The following SAMD14 variants were observed in gnomAD, a reference collection of about 807,000 sequenced individuals.
SAMD14 encodes the protein sterile alpha motif domain containing 14.
Under a neutral mutation model 46.2 loss-of-function variants are expected in SAMD14, and 27 were observed. The ratio of observed to expected loss-of-function variants is 0.58; its 90% CI spans 0.43 to 0.81. The LOEUF (loss-of-function observed/expected upper bound fraction) is 0.81. Among genes scored for constraint, SAMD14 ranks in the 30% least tolerant of loss-of-function variants. SAMD14 has a pLI of 0.00. For synonymous variants in SAMD14, 241 were observed against 254.3 expected, an observed-to-expected ratio of 0.95 and a Z score of 0.50; for missense variants, 559 against 582.2, an observed-to-expected ratio of 0.96 and a Z score of 0.41.
At chr17:50,120,166 TCTTG>T (rs1439678554) in intron 2 of SAMD14, among the ~76,000 whole-genome samples, 4 of 152,158 alleles carry the variant, frequency 2.6e-5, no homozygotes, top group African/African-American at 9.7e-5. Context: ...GGTAATGAGT[TCTTG>T]AGTGCATGAT....
chr17:50,120,088 TA>T (rs1490548195), intron 2 of SAMD14, among the ~76,000 whole-genome samples: 9 of 152,072 alleles, frequency 5.9e-5, no homozygotes, highest in Admixed American at 2.6e-4. Context: ...TCCAGGGCAA[TA>T]GGGGGAGGGC....
chr17:50,115,930 G>A lies in SAMD14; in HGVS notation c.588-26C>T, dbSNP rs1303458655. The A allele has an allele frequency of 1.9e-6, 3 of 1,612,814 alleles. No homozygotes were observed. Among genetic ancestry groups the A allele is most frequent in the Non-Finnish European group, 2.5e-6 (3 of 1,179,508 alleles). On this transcript the variant is annotated intron_variant, in intron 5 of 9. Transcript: ENST00000330175. The surrounding 1 kb of genome is among the most constrained non-coding windows in gnomAD (Gnocchi z 5.3). ...CTGTGGGGAGGCAGCAGGAAGTGGGGCAGGGCTGCCCACTGTGCTACCCCT... is the reference window on the plus strand; with the variant it reads ...CTGTGGGGAGGCAGCAGGAAGTGGGACAGGGCTGCCCACTGTGCTACCCCT...
In SAMD14 at chr17:50,115,643, G is replaced by C; in HGVS notation, c.743C>G (p.Ser248Ter). Residue 248 changes from serine to a stop codon, truncating the protein, a stop_gained, in exon 7 of 10, where the codon TCA (serine) becomes TGA (stop). Coordinates refer to ENST00000330175, the MANE Select transcript of SAMD14 (RefSeq NM_001257359.2). LOFTEE classifies it high-confidence loss of function. The surrounding 1 kb of genome is among the most constrained non-coding windows in gnomAD (Gnocchi z 5.3). ...FSWFTDSGKGSASSGSTTSPT... is the reference protein window; with the variant it reads ...FSWFTDSGKG ...GGAGGTGGTGCTACCCGAGGATGCT[G>C]AGCCCTTGCCGCTGTCCGTGAACCA... is the stretch of plus-strand genomic sequence containing the variant. 6.2e-7 allele frequency: 1 copy of C among 1,608,098 alleles called. No homozygotes were observed. The highest frequency in any genetic ancestry group is 8.5e-7 in the Non-Finnish European group (1 of 1,176,242).
chr17:50,120,973 C>T (rs544282039), intron 2 of SAMD14, among the ~76,000 whole-genome samples: 2 of 152,350 alleles, frequency 1.3e-5, no homozygotes, highest in African/African-American at 2.4e-5. Context: ...TCTTTCTCCA[C>T]CCATTAGAAT....
chr17:50,120,872 GC>G (rs1039610092), intron 2 of SAMD14, among the ~76,000 whole-genome samples: 1 of 151,846 alleles, frequency 6.6e-6, no homozygotes, highest in East Asian at 1.9e-4. Context: ...ATTTATAATA[GC>G]CCCCCCACTC....
rs764391533 is a variant in SAMD14 at position 50,115,681 on chromosome 17, G to C, written c.705C>G (p.Phe235Leu). ...TGTCCGTGAACCAGGAAAAAGGCAG[G>C]AACGGGGAGCCCCCTGACCTGCCGG... ...EGSGRSGGSP[F>L]LPFSWFTDSG... Residue 235 changes from phenylalanine to leucine, a missense_variant, in exon 7 of 10, where the codon TTC becomes TTG. Transcript: ENST00000330175. This position sits in a 1 kb window ranked among gnomAD's most constrained non-coding sequence, Gnocchi z 5.3. 3 of 1,607,726 alleles carry C rather than the reference G, an allele frequency of 1.9e-6. No individual in the cohort carries two copies. The highest frequency in any genetic ancestry group is 1.7e-5 in the Admixed American group (1 of 59,708).
In SAMD14 at chr17:50,118,176, ATCCGAGCCTTCACCATCC is replaced by A. The variant is rs1455810708; in HGVS notation, c.177_194del (p.Glu59_Ser64del). 54 of 1,602,994 alleles carry A rather than the reference ATCCGAGCCTTCACCATCC, an allele frequency of 3.4e-5. 1 individual carries two copies. In the Admixed American group the frequency reaches 8.4e-4, roughly 25 times the overall value. On this transcript the variant is annotated inframe_deletion, in exon 3 of 10. Coordinates refer to ENST00000330175, the MANE Select transcript of SAMD14 (RefSeq NM_001257359.2). ...TTGCCCCAACCTTGCCTCCGGGCCC[ATCCGAGCCTTCACCATCC>A]TCCGCGGAGCTGGCACTGTCCCGAA...
intron 9 of SAMD14, chr17:50,113,627 C>T (rs924978422): frequency 1.8e-5 from 8 of 441,690 alleles, no homozygotes; most frequent in Non-Finnish European, 3.3e-5. Context: ...CACTCATATG[C>T]ATCAAGGGTC....
chr17:50,114,159 G>A (rs769222050), intron 8 of SAMD14, 28 bp downstream of exon 8: 6 of 1,613,964 alleles, frequency 3.7e-6, no homozygotes, highest in East Asian at 4.5e-5. Flanking sequence ...TCAGGACTCC[G>A]TGGGCACCCT....
chr17:50,127,668 T>C (rs572852604), intron 1 of SAMD14, among the ~76,000 whole-genome samples: 1 of 149,744 alleles, frequency 6.7e-6, no homozygotes, highest in East Asian at 2.0e-4. Flanking sequence ...AAGCAGAAAA[T>C]GAGGTGTGGG....
At chr17:50,121,782 T>C (rs1325795813) in intron 2 of SAMD14, among the ~76,000 whole-genome samples, 1 of 146,876 alleles carries the variant, frequency 6.8e-6, no homozygotes, top group Non-Finnish European at 1.5e-5. Flanking sequence ...TCCTCTTACA[T>C]GACTATGGCT....
chr17:50,120,814 G>A (rs1911465754), intron 2 of SAMD14, among the ~76,000 whole-genome samples: 1 of 152,114 alleles, frequency 6.6e-6, no homozygotes, highest in South Asian at 2.1e-4. Flanking sequence ...CTTCCTTCAA[G>A]TCTTCGCTTA....
In SAMD14 at chr17:50,117,437, G is replaced by C. The variant is rs1021281373; in HGVS notation, c.469C>G (p.Arg157Gly). ...SSDSSPSFVR[R>G]HPRAEPHSED... is the part of the protein sequence containing the mutation. ...CTGTGCGGCTCTGCGCGCGGGTGGCGGCGCACGAAGCTGGGGGAGCTGTCG... is the reference window on the plus strand; with the variant it reads ...CTGTGCGGCTCTGCGCGCGGGTGGCCGCGCACGAAGCTGGGGGAGCTGTCG... Residue 157 changes from arginine to glycine, a missense_variant, in exon 4 of 10, where the codon CGC (arginine) becomes GGC (glycine). By Grantham distance (125) the Arg-to-Gly change is moderately radical. Transcript: ENST00000330175. The C allele has an allele frequency of 2.2e-6, 3 of 1,345,304 alleles. No individual in the cohort carries two copies. The East Asian group carries it at 9.2e-5, about 41-fold the overall frequency. 83.3% of individuals were successfully genotyped at this position (1,345,304 alleles called of 1,614,324 possible).
Position 50,114,324 on chromosome 17 carries a change from C to T in SAMD14, c.823-18G>A, listed in dbSNP as rs867352928. The T allele has an allele frequency of 1.9e-6, 3 of 1,613,920 alleles. No individual in the cohort carries two copies. In the African/African-American group the frequency reaches 4.0e-5, roughly 22 times the overall value. On this transcript the variant is annotated intron_variant, in intron 7 of 9. Coordinates refer to ENST00000330175, the MANE Select transcript of SAMD14 (RefSeq NM_001257359.2). Reference sequence around the variant, plus strand: ...GTGGATTCCTAGACAGAAAAAGGTGCATGCCACTGAGGAGAGTTCACCCCC... The same window carrying T: ...GTGGATTCCTAGACAGAAAAAGGTGTATGCCACTGAGGAGAGTTCACCCCC...
Position 50,110,095 on chromosome 17 carries a change from T to C in SAMD14, c.*2798A>G. 6.2e-7 allele frequency: 1 copy of C among 1,600,628 alleles called. No homozygotes were observed. Among genetic ancestry groups the C allele is most frequent in the African/African-American group, 1.3e-5 (1 of 74,766 alleles). ...GAACACGTCCACGTACCGCGTCAGC[T>C]AAGGGCCGCCGTGCATCTGCACCTG... On this transcript the variant is annotated 3_prime_UTR_variant, in exon 10 of 10. Transcript: ENST00000330175.
At chr17:50,118,062 T>C in intron 3 of SAMD14, 99 bp downstream of exon 3, 1 of 1,283,888 alleles carries the variant, frequency 7.8e-7, no homozygotes, top group South Asian at 1.5e-5. Flanking sequence ...AGTCTGGGGA[T>C]GTGGTTTCCC....
At chr17:50,123,502 A>G (rs550081134) in intron 2 of SAMD14, 3 of 152,610 alleles carry the variant, frequency 2.0e-5, no homozygotes, top group Non-Finnish European at 2.9e-5. Flanking sequence ...ACTCTGGGCC[A>G]TATCAGCACC....
intron 2 of SAMD14, among the ~76,000 whole-genome samples, chr17:50,119,578 C>T (rs1266107841): frequency 6.6e-6 from 1 of 152,184 alleles, no homozygotes; most frequent in Admixed American, 6.5e-5. Flanking sequence ...ACTCAGGCAC[C>T]TGCCAAGGAA....
At chr17:50,113,444 GC>G (rs988451594) in intron 9 of SAMD14, 4 of 254,466 alleles carry the variant, frequency 1.6e-5, no homozygotes, top group Non-Finnish European at 3.0e-5. Flanking sequence ...CACCATCCCT[GC>G]CCCAAGCAAC....
Sources: allele counts gnomAD v4.1 joint callset (sites outside exome capture counted in the v4.1 genomes callset), GRCh38; gene constraint gnomAD v4.1.1; non-coding constraint Gnocchi (gnomAD v3.1); transcripts MANE v1.5; gene names NCBI Gene and HGNC (gene_info 2026-07-23, HGNC 2026-07-21).